The following PLA2G4A variants were observed in gnomAD, a reference collection of about 807,000 sequenced individuals.
PLA2G4A encodes phospholipase A2 group IVA.
A neutral mutation model predicts 81.9 loss-of-function variants in PLA2G4A; 40 were observed. The observed-to-expected ratio is 0.49, with a 90% CI of 0.38 to 0.64. The LOEUF (loss-of-function observed/expected upper bound fraction) is 0.64. Among genes scored for constraint, PLA2G4A ranks in the 30% least tolerant of loss-of-function variants. The pLI is 0.00. For missense variants in PLA2G4A, 715 were observed against 905.1 expected (o/e 0.79, Z 2.69); for synonymous variants, 302 against 296.9 (o/e 1.02, Z -0.18).
At chr1:186,859,026 T>G (rs1652701192) in intron 2 of PLA2G4A, among the ~76,000 whole-genome samples, 1 of 152,146 alleles carries the variant, frequency 6.6e-6, no homozygotes, top group Non-Finnish European at 1.5e-5. Flanking sequence ...CACTCAACAC[T>G]GAATGATATT....
intron 5 of PLA2G4A, among the ~76,000 whole-genome samples, chr1:186,897,679 T>C (rs1654382846): frequency 6.6e-6 from 1 of 152,006 alleles, no homozygotes; most frequent in Non-Finnish European, 1.5e-5. Context: ...TGGCCAATTT[T>C]TGTATTTTTA....
At chr1:186,946,519 A>G in intron 10 of PLA2G4A, 118 bp from the exon 11 acceptor site, 1 of 807,074 alleles carries the variant, frequency 1.2e-6, no homozygotes, top group Admixed American at 2.0e-5. Context: ...TTTCATTTTG[A>G]TATTTTAAAT....
At chr1:186,860,424 T>C (rs1365463881) in intron 2 of PLA2G4A, among the ~76,000 whole-genome samples, 1 of 41,250 alleles carries the variant, frequency 2.4e-5, no homozygotes, top group Non-Finnish European at 4.6e-5. Flanking sequence ...AGGAGCTGTC[T>C]CGCTCAGTGA....
rs142478341 is a variant in PLA2G4A at position 186,918,832 on chromosome 1, C to T, written c.558+7443C>T. 9.6e-4 allele frequency among the ~76,000 whole-genome samples: 146 copies of T among 152,332 alleles called. 1 individual carries two copies. The highest frequency in any genetic ancestry group is 5.6e-3 in the East Asian group (29 of 5,188). ...TCTAGCATTTGTTAGCCAATGATGT[C>T]CTTCGGTAGTCATCAAAGTTACCAC... On this transcript the variant is annotated intron_variant, in intron 7 of 17. Coordinates refer to ENST00000367466, the MANE Select transcript of PLA2G4A (RefSeq NM_024420.3).
intron 2 of PLA2G4A, among the ~76,000 whole-genome samples, chr1:186,865,876 G>T (rs139102522): frequency 1.9e-3 from 282 of 152,160 alleles, no homozygotes; most frequent in Middle Eastern, 6.8e-3. Context: ...ATAGAAAATT[G>T]TAATTTTGAA....
At chr1:186,936,420 A>C (rs1255376362) in intron 8 of PLA2G4A, among the ~76,000 whole-genome samples, 1 of 151,954 alleles carries the variant, frequency 6.6e-6, no homozygotes. Flanking sequence ...GACTTTCCTT[A>C]GGTCATAGTT....
rs554826099 is a variant in PLA2G4A at position 186,838,521 on chromosome 1, CT to C, written c.-70+9489del. Among the ~76,000 whole-genome samples the C allele has an allele frequency of 1.0e-3, 159 of 152,208 alleles. 2 individuals carry two copies. Among genetic ancestry groups the C allele is most frequent in the African/African-American group, 3.5e-3 (146 of 41,522 alleles). On this transcript the variant is annotated intron_variant, in intron 1 of 17. Transcript: ENST00000367466. ...CAGCTCTAGTAGGTGGGAATTTAGCCTTTGTTCTTTCCCAACTCTTGGATTC... is the reference window on the plus strand; with the variant it reads ...CAGCTCTAGTAGGTGGGAATTTAGCCTTGTTCTTTCCCAACTCTTGGATTC...
chr1:186,895,367 C>T (rs1412427091), intron 5 of PLA2G4A, among the ~76,000 whole-genome samples: 1 of 152,238 alleles, frequency 6.6e-6, no homozygotes, highest in Non-Finnish European at 1.5e-5. Context: ...CTCCTTGGTG[C>T]TTCCACCTGC....
chr1:186,887,322 C>T (rs1176665061), intron 3 of PLA2G4A, among the ~76,000 whole-genome samples: 1 of 152,086 alleles, frequency 6.6e-6, no homozygotes, highest in African/African-American at 2.4e-5. Context: ...AGTTTAGAAG[C>T]TGCCATGAGT....
At chr1:186,835,357 G>A (rs1340394076) in intron 1 of PLA2G4A, among the ~76,000 whole-genome samples, 1 of 152,120 alleles carries the variant, frequency 6.6e-6, no homozygotes, top group Non-Finnish European at 1.5e-5. Flanking sequence ...AAACAAAAAG[G>A]CAATTCATTT....
intron 1 of PLA2G4A, among the ~76,000 whole-genome samples, chr1:186,851,476 C>A (rs1220937597): frequency 6.6e-6 from 1 of 151,856 alleles, no homozygotes; most frequent in Non-Finnish European, 1.5e-5. Context: ...TATATTCCAC[C>A]CACAGCTCTA....
At chr1:186,895,451 T>C (rs1241967374) in intron 5 of PLA2G4A, among the ~76,000 whole-genome samples, 2 of 152,232 alleles carry the variant, frequency 1.3e-5, no homozygotes, top group Non-Finnish European at 2.9e-5. Flanking sequence ...TTTAAAGCTA[T>C]TTCATTCATT....
At chr1:186,926,391 C>CT (rs1413955528) in intron 7 of PLA2G4A, among the ~76,000 whole-genome samples, 3 of 152,094 alleles carry the variant, frequency 2.0e-5, no homozygotes, top group African/African-American at 7.2e-5. Context: ...TTTGTTGTTG[C>CT]TTTTTTTGGT....
chr1:186,958,742 C>G (rs997336669), intron 14 of PLA2G4A, among the ~76,000 whole-genome samples: 1 of 152,096 alleles, frequency 6.6e-6, no homozygotes, highest in African/African-American at 2.4e-5. Context: ...TACATTATTA[C>G]TTGGATTGCA....
chr1:186,854,522 A>G (rs1355394684), intron 2 of PLA2G4A, 135 bp downstream of exon 2: 1 of 690,476 alleles, frequency 1.4e-6, no homozygotes, highest in Non-Finnish European at 2.7e-6. Context: ...AACTTAATAT[A>G]ATACAAAGAG....
intron 7 of PLA2G4A, among the ~76,000 whole-genome samples, chr1:186,919,024 T>C (rs923424752): frequency 6.6e-6 from 1 of 152,210 alleles, no homozygotes; most frequent in East Asian, 1.9e-4. Context: ...GGCCCCACAG[T>C]CTGGGTTAAA....
At position 186,931,885 on chromosome 1, in the gene PLA2G4A, G is replaced by C. The variant is rs12720583; in HGVS notation, c.559-878G>C. Among the ~76,000 whole-genome samples the C allele has an allele frequency of 4.1e-4, 62 of 152,196 alleles. 1 individual carries two copies. Among genetic ancestry groups the C allele is most frequent in the East Asian group, 2.3e-3 (12 of 5,180 alleles). On this transcript the variant is annotated intron_variant, in intron 7 of 17. Transcript: ENST00000367466. ...GGTAATGATAGCATCATCTGCTTAA[G>C]AGCAAAGCTAGAAACCCTAAGTCTG...
intron 7 of PLA2G4A, among the ~76,000 whole-genome samples, chr1:186,914,712 C>T (rs1035180642): frequency 1.3e-5 from 2 of 152,100 alleles, no homozygotes; most frequent in Admixed American, 1.3e-4. Flanking sequence ...AACTACCAGG[C>T]CCAGGGTGTG....
chr1:186,939,126 G>T lies in PLA2G4A; in HGVS notation c.814G>T (p.Val272Phe), dbSNP rs756689007. ...CCTTTTACTTCTCACACCACAGAAA[G>T]TTAAAAGATATGTTGAGTCTTTATG... ...NPLLLLTPQK[V>F]KRYVESLWKK... The change falls in exon 9 of 18, where the codon GTT (valine) becomes TTT (phenylalanine). Residue 272 changes from valine to phenylalanine, a missense_variant. By Grantham distance (50) the Val-to-Phe change is conservative (BLOSUM62 -1). Coordinates refer to ENST00000367466, the MANE Select transcript of PLA2G4A (RefSeq NM_024420.3). 6.2e-7 allele frequency: 1 copy of T among 1,608,342 alleles called. No homozygotes were observed. The highest frequency in any genetic ancestry group is 8.5e-7 in the Non-Finnish European group (1 of 1,174,968).
Sources: gnomAD v4.1 joint callset for allele counts (sites outside exome capture counted in the v4.1 genomes callset) on GRCh38, gnomAD v4.1.1 for gene constraint, MANE v1.5 for transcripts, NCBI Gene and HGNC (gene_info 2026-07-23, HGNC 2026-07-21) for gene names.